The following VSIR variants were observed in gnomAD, a reference collection of about 807,000 sequenced individuals.
VSIR encodes V-set immunoregulatory receptor.
In VSIR, 10 loss-of-function variants were observed where a neutral mutation model predicts 31.0. The ratio of observed to expected loss-of-function variants is 0.32; its 90% CI spans 0.20 to 0.55. The LOEUF is 0.55. VSIR is among the 20% of genes least tolerant of loss of function. The pLI, the probability that VSIR is intolerant of heterozygous loss-of-function variation, is 0.93. For synonymous variants in VSIR, 179 were observed against 180.1 expected (o/e 0.99, Z 0.05); for missense variants, 356 against 416.2 (o/e 0.86, Z 1.26).
At chr10:71,756,051 C>T (rs1203085715) in intron 3 of VSIR, among the ~76,000 whole-genome samples, 1 of 152,152 alleles carries the variant, frequency 6.6e-6, no homozygotes, top group Non-Finnish European at 1.5e-5. Flanking sequence ...TCTAGAACCC[C>T]TTGATCTCAC....
chr10:71,760,606 C>T, intron 3 of VSIR: 1 of 438,504 alleles, frequency 2.3e-6, no homozygotes, highest in Non-Finnish European at 4.2e-6. Context: ...GGCACTTGCC[C>T]TGGCCAAAGG....
At chr10:71,768,300 A>C (rs558574942) in intron 1 of VSIR, among the ~76,000 whole-genome samples, 32 of 152,134 alleles carry the variant, frequency 2.1e-4, no homozygotes, top group African/African-American at 7.5e-4. Context: ...CCTCCCGAGT[A>C]GCTGGGACTA....
rs777637150 is a variant in VSIR at position 71,761,607 on chromosome 10, C to A, written c.502G>T (p.Val168Leu). 2 of 1,589,732 alleles carry A rather than the reference C, an allele frequency of 1.3e-6. No individual in the cohort carries two copies. Among genetic ancestry groups the A allele is most frequent in the Non-Finnish European group, 1.7e-6 (2 of 1,167,066 alleles). The change falls in exon 2 of 7, where the codon GTG (valine) becomes TTG (leucine). Residue 168 changes from valine to leucine, a missense_variant. By Grantham distance (32) the Val-to-Leu change is conservative (BLOSUM62 1). Coordinates refer to ENST00000394957, the MANE Select transcript of VSIR (RefSeq NM_022153.2). ...TGCAGGATGCCCTCACCTGTCTGCACCTGCAGCTCCATGGCACCATGGACC... is the reference window on the plus strand; with the variant it reads ...TGCAGGATGCCCTCACCTGTCTGCAACTGCAGCTCCATGGCACCATGGACC... The part of the protein sequence containing the change: ...HRVHGAMELQ[V>L]QTGKDAPSNC...
chr10:71,771,028 G>T (rs1201972780), intron 1 of VSIR, among the ~76,000 whole-genome samples: 3 of 152,184 alleles, frequency 2.0e-5, no homozygotes, highest in Non-Finnish European at 4.4e-5. Context: ...ACAAGGCCCT[G>T]CAGCCTGGTT....
intron 3 of VSIR, among the ~76,000 whole-genome samples, chr10:71,756,899 C>T (rs533817252): frequency 2.2e-4 from 34 of 152,324 alleles, no homozygotes; most frequent in African/African-American, 6.7e-4. Flanking sequence ...AACAAGCTTT[C>T]AGGAGGTTTG....
chr10:71,752,941 G>A (rs1410508836), intron 5 of VSIR, 34 bp downstream of exon 5: 2 of 1,610,364 alleles, frequency 1.2e-6, no homozygotes. Flanking sequence ...GCCGGCCCAG[G>A]AAGTTTTCTC....
At chr10:71,763,833 G>A (rs1840460356) in intron 1 of VSIR, among the ~76,000 whole-genome samples, 1 of 152,228 alleles carries the variant, frequency 6.6e-6, no homozygotes, top group Non-Finnish European at 1.5e-5. Flanking sequence ...AGCACAGTGG[G>A]ATGGAGAAGC....
intron 1 of VSIR, among the ~76,000 whole-genome samples, chr10:71,763,751 C>T (rs556512915): frequency 2.3e-4 from 35 of 152,216 alleles, no homozygotes; most frequent in Non-Finnish European, 4.6e-4. Context: ...GAGTAGTCGG[C>T]GCTTGGTACT....
chr10:71,753,567 C>T (rs1200894877), intron 4 of VSIR, among the ~76,000 whole-genome samples: 7 of 152,204 alleles, frequency 4.6e-5, no homozygotes, highest in Admixed American at 1.3e-4. Context: ...TGCAAGTCCC[C>T]GATCACTTCC....
At chr10:71,761,310 T>G (rs577025204) in intron 2 of VSIR, among the ~76,000 whole-genome samples, 3 of 152,172 alleles carry the variant, frequency 2.0e-5, no homozygotes, top group Non-Finnish European at 4.4e-5. Flanking sequence ...AGCCATGATG[T>G]CATCATGAGC....
At chr10:71,756,282 C>G (rs1179712462) in intron 3 of VSIR, among the ~76,000 whole-genome samples, 1 of 152,172 alleles carries the variant, frequency 6.6e-6, no homozygotes, top group Admixed American at 6.5e-5. Flanking sequence ...GCAAATACAG[C>G]AGACGCAGCA....
At position 71,747,960 on chromosome 10, in the gene VSIR, GGGCTGGGCCTC is replaced by G. The variant is rs1839893096; in HGVS notation, c.*3282_*3292del. The G allele has an allele frequency of 6.6e-6, 1 of 152,316 alleles. No homozygotes were observed. Among genetic ancestry groups the G allele is most frequent in the African/African-American group, 2.4e-5 (1 of 41,472 alleles). 9.4% of individuals were successfully genotyped at this position (152,316 alleles called of 1,614,324 possible). ...GGGCCAGGTGGCCTGTGCCGTCTAT[GGGCTGGGCCTC>G]ATGCTCAGCTGGGCTGTGGCTGGGC... is the stretch of plus-strand genomic sequence containing the variant. On this transcript the variant is annotated 3_prime_UTR_variant, in exon 7 of 7. Coordinates refer to ENST00000394957, the MANE Select transcript of VSIR (RefSeq NM_022153.2).
At chr10:71,759,874 C>T (rs111872372) in intron 3 of VSIR, among the ~76,000 whole-genome samples, 5 of 70,268 alleles carry the variant, frequency 7.1e-5, no homozygotes, top group Admixed American at 1.6e-4. Flanking sequence ...CATATATATA[C>T]ACACACACAC....
intron 1 of VSIR, among the ~76,000 whole-genome samples, chr10:71,772,358 C>T (rs1430405400): frequency 1.3e-5 from 2 of 152,230 alleles, no homozygotes; most frequent in African/African-American, 4.8e-5. Flanking sequence ...TCCCTCCTGC[C>T]TCCCTCCGAG....
At chr10:71,763,457 T>A (rs1840450202) in intron 1 of VSIR, among the ~76,000 whole-genome samples, 1 of 152,202 alleles carries the variant, frequency 6.6e-6, no homozygotes, top group Admixed American at 6.5e-5. Flanking sequence ...TAATGCCACA[T>A]CCTCCTTCAG....
At chr10:71,756,626 T>C (rs150399893) in intron 3 of VSIR, among the ~76,000 whole-genome samples, 14 of 152,332 alleles carry the variant, frequency 9.2e-5, no homozygotes, top group African/African-American at 2.2e-4. Context: ...ATGAGGAGGT[T>C]TGATTTATTT....
At chr10:71,768,434 G>A (rs908790360) in intron 1 of VSIR, among the ~76,000 whole-genome samples, 3 of 152,152 alleles carry the variant, frequency 2.0e-5, no homozygotes, top group Admixed American at 6.5e-5. Flanking sequence ...TCCTCCCCAA[G>A]TGCTGGGATT....
At chr10:71,762,056 T>C in intron 1 of VSIR, 30 bp from the exon 2 acceptor site, 1 of 1,563,178 alleles carries the variant, frequency 6.4e-7, no homozygotes, top group Non-Finnish European at 8.7e-7. Context: ...CCCTGTCACC[T>C]GACTGATCCA....
intron 4 of VSIR, 88 bp downstream of exon 4, chr10:71,755,271 G>C: frequency 8.6e-7 from 1 of 1,157,962 alleles, no homozygotes; most frequent in South Asian, 1.4e-5. Context: ...TGCCTGCATC[G>C]TGCCTTTGCG....
Sources: gnomAD v4.1 joint callset for allele counts (sites outside exome capture counted in the v4.1 genomes callset) on GRCh38, gnomAD v4.1.1 for gene constraint, MANE v1.5 for transcripts, NCBI Gene and HGNC (gene_info 2026-07-23, HGNC 2026-07-21) for gene names.